The following RIN2 variants were observed in gnomAD, a reference collection of about 807,000 sequenced individuals.
The protein encoded by RIN2 is RAB5 interacting protein 2.
In RIN2, 36 loss-of-function variants were observed where a neutral mutation model predicts 78.0. The observed-to-expected ratio is 0.46, with a 90% CI of 0.35 to 0.61. The LOEUF (loss-of-function observed/expected upper bound fraction) is 0.61, where lower values mean the gene tolerates loss of function less well. Ranked by LOEUF, RIN2 falls within the 20% of genes least tolerant of loss-of-function variation. RIN2 has a pLI of 0.00. For missense variants in RIN2, 1,087 were observed against 1,159.7 expected, an observed-to-expected ratio of 0.94 and a Z score of 0.91; for synonymous variants, 466 against 466.8, an observed-to-expected ratio of 1.00 and a Z score of 0.02.
intron 2 of RIN2, among the ~76,000 whole-genome samples, chr20:19,827,482 T>C (rs969023215): frequency 6.6e-6 from 1 of 152,202 alleles, no homozygotes; most frequent in African/African-American, 2.4e-5. Context: ...GTCTACTGCC[T>C]TCTCTGTTTT....
At chr20:19,994,398 C>T (rs1384383128) in intron 11 of RIN2, among the ~76,000 whole-genome samples, 1 of 152,224 alleles carries the variant, frequency 6.6e-6, no homozygotes, top group Non-Finnish European at 1.5e-5. Flanking sequence ...CGTCTGTTTT[C>T]CGCTGTTTAA....
intron 2 of RIN2, among the ~76,000 whole-genome samples, chr20:19,833,283 T>TTATATATATATATATATA (rs1031106258): frequency 1.3e-4 from 19 of 151,028 alleles, no homozygotes; most frequent in African/African-American, 3.9e-4. Context: ...TAGATATAGG[T>TTATATATATATATATATA]TATATATATA....
chr20:19,877,437 A>G (rs1212789738), intron 2 of RIN2, among the ~76,000 whole-genome samples: 1 of 152,228 alleles, frequency 6.6e-6, no homozygotes, highest in Non-Finnish European at 1.5e-5. Context: ...GCGAGGTTTC[A>G]GAAGTCTAAG....
chr20:19,914,606 G>A (rs1385824793), intron 3 of RIN2, among the ~76,000 whole-genome samples: 1 of 152,180 alleles, frequency 6.6e-6, no homozygotes, highest in Non-Finnish European at 1.5e-5. Context: ...AGCTGGACGA[G>A]ACACTGGATA....
At chr20:19,918,694 G>A (rs572107623) in intron 3 of RIN2, among the ~76,000 whole-genome samples, 24 of 151,458 alleles carry the variant, frequency 1.6e-4, no homozygotes, top group Non-Finnish European at 3.5e-4. Context: ...CTTTTCTACT[G>A]GACAAACATC....
At chr20:19,929,834 A>C (rs905207471) in intron 3 of RIN2, among the ~76,000 whole-genome samples, 1 of 152,180 alleles carries the variant, frequency 6.6e-6, no homozygotes, top group Non-Finnish European at 1.5e-5. Flanking sequence ...AATCAACACA[A>C]ACTTGTCCAA....
At chr20:19,919,558 T>C (rs571049058) in intron 3 of RIN2, among the ~76,000 whole-genome samples, 1 of 152,194 alleles carries the variant, frequency 6.6e-6, no homozygotes, top group African/African-American at 2.4e-5. Flanking sequence ...ATAATCCCCG[T>C]ACCTTGGGAG....
At chr20:19,804,795 C>G (rs139653270) in intron 2 of RIN2, among the ~76,000 whole-genome samples, 344 of 152,242 alleles carry the variant, frequency 2.3e-3, no homozygotes, top group African/African-American at 7.8e-3. Context: ...CTTTGTACCT[C>G]TGGTAGAACT....
intron 11 of RIN2, among the ~76,000 whole-genome samples, chr20:19,994,809 G>A (rs2042905010): frequency 6.6e-6 from 1 of 152,112 alleles, no homozygotes; most frequent in Non-Finnish European, 1.5e-5. Context: ...TTTGTGGGGC[G>A]AATATTTGGT....
At position 19,974,875 on chromosome 20, in the gene RIN2, C is replaced by T. The variant is rs1555805211; in HGVS notation, c.850C>T (p.Leu284Phe). ...PLFLKVHSQD[L>F]SGGLKRPSTR... ...TTTCTTGAAAGTGCACAGCCAGGAC[C>T]TCAGTGGAGGCCTGAAACGGCCGAG... is the stretch of plus-strand genomic sequence containing the variant. The change falls in exon 9 of 13, where the codon CTC (leucine) becomes TTC (phenylalanine). Residue 284 changes from leucine to phenylalanine, a missense_variant. This residue lies in a region of RIN2 where 706 missense variants were observed against 667.5 expected (regional missense o/e 1.06). Coordinates refer to ENST00000255006, the MANE Select transcript of RIN2 (RefSeq NM_018993.4). 1.2e-6 allele frequency: 2 copies of T among 1,613,924 alleles called. No individual in the cohort carries two copies. Among genetic ancestry groups the T allele is most frequent in the Non-Finnish European group, 1.7e-6 (2 of 1,179,908 alleles).
chr20:19,806,758 C>G (rs2035420687), intron 2 of RIN2, among the ~76,000 whole-genome samples: 1 of 152,106 alleles, frequency 6.6e-6, no homozygotes, highest in Non-Finnish European at 1.5e-5. Context: ...ATTAGCCAGG[C>G]ATGGTGGTGT....
chr20:19,886,785 C>G (rs2038216960), intron 2 of RIN2: 6 of 1,515,760 alleles, frequency 4.0e-6, no homozygotes, highest in Non-Finnish European at 4.5e-6. Flanking sequence ...ACTACGGTAC[C>G]CTTTTTGTTT....
intron 2 of RIN2, among the ~76,000 whole-genome samples, chr20:19,816,376 C>T (rs1035987656): frequency 1.6e-4 from 24 of 151,710 alleles, no homozygotes; most frequent in African/African-American, 2.7e-4. Context: ...GGGGCTTTGG[C>T]GGCTATGTCT....
intron 9 of RIN2, among the ~76,000 whole-genome samples, chr20:19,988,901 T>TCACA (rs140660499): frequency 2.8e-4 from 42 of 149,490 alleles, no homozygotes; most frequent in South Asian, 6.3e-4. Context: ...TTCTCTCTCT[T>TCACA]CACACACACA....
chr20:19,823,484 C>T (rs1314613979), intron 2 of RIN2: 1 of 832,706 alleles, frequency 1.2e-6, no homozygotes, highest in African/African-American at 1.7e-5. Context: ...CTGTTGATGT[C>T]ATCTATGATG....
At chr20:19,847,750 T>C (rs965359954) in intron 2 of RIN2, among the ~76,000 whole-genome samples, 1 of 152,244 alleles carries the variant, frequency 6.6e-6, no homozygotes, top group Non-Finnish European at 1.5e-5. Flanking sequence ...AGTATTAAAA[T>C]TAATTTTACC....
rs562395305 is a variant in RIN2, at chr20:19,883,376, G to C, written c.-36-6190G>C. Among the ~76,000 whole-genome samples the C allele has an allele frequency of 1.3e-3, 166 of 131,768 alleles. 2 individuals carry two copies. In the South Asian group the frequency reaches 0.037, roughly 30 times the overall value. 86.4% of individuals were successfully genotyped at this position (131,768 alleles called of 152,430 possible). On this transcript the variant is annotated intron_variant, in intron 2 of 12. Coordinates refer to ENST00000255006, the MANE Select transcript of RIN2 (RefSeq NM_018993.4). ...TTTTTTTTAGACCTGGTCTCTCTCTGTTACCCAGGCTGGAGTGCAGCGGAG... is the reference window on the plus strand; with the variant it reads ...TTTTTTTTAGACCTGGTCTCTCTCTCTTACCCAGGCTGGAGTGCAGCGGAG...
At chr20:19,816,355 C>A (rs1373481745) in intron 2 of RIN2, among the ~76,000 whole-genome samples, 2 of 152,152 alleles carry the variant, frequency 1.3e-5, no homozygotes, top group Non-Finnish European at 2.9e-5. Context: ...TTTGATATCA[C>A]CTAACCTGAA....
At chr20:19,925,855 A>G (rs2040202141) in intron 3 of RIN2, among the ~76,000 whole-genome samples, 1 of 152,186 alleles carries the variant, frequency 6.6e-6, no homozygotes, top group Non-Finnish European at 1.5e-5. Flanking sequence ...AGGCTCCAGC[A>G]TTTTCTCTGA....
Sources: gnomAD v4.1 joint callset for allele counts (sites outside exome capture counted in the v4.1 genomes callset) on GRCh38, gnomAD v4.1.1 for gene constraint, gnomAD v4.1.1 regional missense constraint, MANE v1.5 for transcripts, NCBI Gene and HGNC (gene_info 2026-07-23, HGNC 2026-07-21) for gene names.